The following ANKRD62 variants were observed in gnomAD, a reference collection of about 807,000 sequenced individuals.
ANKRD62 encodes the protein ankyrin repeat domain 62.
Under a neutral mutation model 98.8 loss-of-function variants are expected in ANKRD62, and 61 were observed. The observed-to-expected ratio is 0.62, with a 90% CI of 0.50 to 0.76. The LOEUF is 0.76. Ranked by LOEUF, ANKRD62 falls within the 30% of genes least tolerant of loss-of-function variation. The pLI is 0.00. For missense variants in ANKRD62, 933 were observed against 1,082.9 expected (o/e 0.86, Z 1.94); for synonymous variants, 341 against 367.9 (o/e 0.93, Z 0.84).
intron 10 of ANKRD62, among the ~76,000 whole-genome samples, chr18:12,116,977 A>G (rs1367985670): frequency 6.6e-6 from 1 of 152,158 alleles, no homozygotes; most frequent in Non-Finnish European, 1.5e-5. Context: ...TCTATAGTTT[A>G]TCAGATTTAT....
downstream of ANKRD62, among the ~76,000 whole-genome samples, chr18:12,134,624 GT>G (rs903432061): frequency 2.2e-4 from 34 of 152,066 alleles, no homozygotes; most frequent in African/African-American, 8.2e-4. Flanking sequence ...AACATGCGGT[GT>G]TTGGTTTTTT....
At chr18:12,118,572 G>C (rs940679076) in intron 10 of ANKRD62, among the ~76,000 whole-genome samples, 1 of 148,284 alleles carries the variant, frequency 6.7e-6, no homozygotes, top group Non-Finnish European at 1.5e-5. Context: ...TTGTGTCATC[G>C]CACTCCAGTC....
chr18:12,115,837 T>A (rs1909652979), intron 10 of ANKRD62, among the ~76,000 whole-genome samples: 1 of 152,174 alleles, frequency 6.6e-6, no homozygotes. Flanking sequence ...AATACTGTGA[T>A]AACCTTACAC....
intron 7 of ANKRD62, among the ~76,000 whole-genome samples, chr18:12,103,429 G>C (rs1909349368): frequency 6.6e-6 from 1 of 152,098 alleles, no homozygotes; most frequent in Non-Finnish European, 1.5e-5. Context: ...CCTTGGAACT[G>C]AGGCAAAAAG....
chr18:12,129,404 T>C lies in ANKRD62; in HGVS notation c.*1465T>C, dbSNP rs1368887349. ...ACAGCACAAAAGTAGCCGTAAACAA[T>C]ATGCAGACTGAAGGGGTGTGGCTGC... is the stretch of plus-strand genomic sequence containing the variant. On this transcript the variant is annotated 3_prime_UTR_variant, in exon 14 of 14. Transcript: ENST00000587848. 1 of 152,074 alleles carries C rather than the reference T, an allele frequency of 6.6e-6. No homozygotes were observed. Among genetic ancestry groups the C allele is most frequent in the Admixed American group, 6.5e-5 (1 of 15,270 alleles). 9.4% of individuals were successfully genotyped at this position (152,074 alleles called of 1,614,324 possible).
At chr18:12,162,309 T>A in the ANKRD62 span, among the ~76,000 whole-genome samples, 1 of 152,296 alleles carries the variant, frequency 6.6e-6, no homozygotes, top group South Asian at 2.1e-4. Context: ...TTGGCATTTA[T>A]ATGTCTTCTT....
At chr18:12,168,515 C>T in the ANKRD62 span, among the ~76,000 whole-genome samples, 10 of 152,182 alleles carry the variant, frequency 6.6e-5, no homozygotes, top group African/African-American at 2.2e-4. Context: ...GGTACCATTA[C>T]CATGCTGTTC....
chr18:12,095,314 G>A (rs1184049203), intron 2 of ANKRD62, 29 bp downstream of exon 2: 2 of 1,534,318 alleles, frequency 1.3e-6, no homozygotes, highest in Admixed American at 2.0e-5. Context: ...TTTCAGCATG[G>A]GATGGATTTA....
Position 12,129,183 on chromosome 18 carries a change from A to C in ANKRD62, c.*1244A>C, listed in dbSNP as rs1909956520. On this transcript the variant is annotated 3_prime_UTR_variant, in exon 14 of 14. Coordinates refer to ENST00000587848, the MANE Select transcript of ANKRD62 (RefSeq NM_001277333.2). Reference sequence around the variant, plus strand: ...TTGGAATTGAAAAATATAAATGCTTACTATAATTTCCTATGTTTCCCCATT... The same window carrying C: ...TTGGAATTGAAAAATATAAATGCTTCCTATAATTTCCTATGTTTCCCCATT... The C allele has an allele frequency of 6.6e-6, 1 of 152,244 alleles. No homozygotes were observed. The highest frequency in any genetic ancestry group is 2.1e-4 in the South Asian group (1 of 4,830). The allele number at this position is 152,244 out of a possible 1,614,324, so 9.4% of individuals were successfully genotyped here. A position where few individuals can be genotyped will look rare whatever the true frequency, so the allele number is the denominator to read the frequency against.
the ANKRD62 span, among the ~76,000 whole-genome samples, chr18:12,180,956 C>T: frequency 6.9e-6 from 1 of 144,474 alleles, no homozygotes; most frequent in African/African-American, 2.6e-5. Context: ...CACCTCACAA[C>T]AGGCCCCAGT....
At chr18:12,163,892 A>C in the ANKRD62 span, among the ~76,000 whole-genome samples, 1 of 151,866 alleles carries the variant, frequency 6.6e-6, no homozygotes, top group Non-Finnish European at 1.5e-5. Flanking sequence ...TGATTTTTTT[A>C]ATATATTGTC....
At chr18:12,097,532 G>T (rs1909207491) in intron 4 of ANKRD62, 108 bp from the exon 5 acceptor site, 3 of 1,196,044 alleles carry the variant, frequency 2.5e-6, no homozygotes, top group Admixed American at 2.8e-5. Flanking sequence ...ACATGTAATT[G>T]GTTAATTCTA....
In ANKRD62 at chr18:12,126,301, A is replaced by C. The variant is rs1210401937; in HGVS notation, c.2480A>C (p.Glu827Ala). The change falls in exon 13 of 14, where the codon GAG (glutamate) becomes GCG (alanine). Residue 827 changes from glutamate to alanine, a missense_variant. By Grantham distance (107) the Glu-to-Ala change is moderately radical. Transcript: ENST00000587848. ...CAAGCTGAGTGTAGAAAGCTAGAAGAGAACAATAAGGGGTTGATGAAGGAA... is the reference window on the plus strand; with the variant it reads ...CAAGCTGAGTGTAGAAAGCTAGAAGCGAACAATAAGGGGTTGATGAAGGAA... ...KLQAECRKLE[E>A]NNKGLMKECT... The C allele has an allele frequency of 6.5e-7, 1 of 1,535,410 alleles. No individual in the cohort carries two copies. Among genetic ancestry groups the C allele is most frequent in the Non-Finnish European group, 8.7e-7 (1 of 1,146,620 alleles).
chr18:12,127,019 A>G (rs1424639451), intron 13 of ANKRD62, among the ~76,000 whole-genome samples: 1 of 152,230 alleles, frequency 6.6e-6, no homozygotes, highest in Admixed American at 6.5e-5. Flanking sequence ...ATGTTAGCCA[A>G]ACCATATTTG....
At chr18:12,152,358 C>T in the ANKRD62 span, among the ~76,000 whole-genome samples, 1 of 152,116 alleles carries the variant, frequency 6.6e-6, no homozygotes, top group Non-Finnish European at 1.5e-5. Context: ...AAAACTGAAT[C>T]CATTAGCATA....
chr18:12,115,798 G>A (rs1909652013), intron 10 of ANKRD62, among the ~76,000 whole-genome samples: 1 of 152,086 alleles, frequency 6.6e-6, no homozygotes, highest in Non-Finnish European at 1.5e-5. Context: ...CCTTTACCCA[G>A]GGTCAGGTTG....
At chr18:12,099,743 A>G (rs1423073674) in intron 6 of ANKRD62, 61 bp downstream of exon 6, 1 of 1,021,222 alleles carries the variant, frequency 9.8e-7, no homozygotes, top group African/African-American at 1.7e-5. Flanking sequence ...AAGTAAGAGG[A>G]AGGAAGTTTT....
intron 8 of ANKRD62, among the ~76,000 whole-genome samples, chr18:12,112,134 G>A (rs1002160102): frequency 3.2e-4 from 42 of 130,758 alleles, no homozygotes; most frequent in African/African-American, 1.1e-3. Flanking sequence ...AAAAAAAAAA[G>A]TCATACTGCC....
At chr18:12,132,441 C>CT, downstream of ANKRD62, among the ~76,000 whole-genome samples, 1 of 152,020 alleles carries the variant, frequency 6.6e-6, no homozygotes, top group African/African-American at 2.4e-5. Flanking sequence ...TTCTTTCTTC[C>CT]TTTTTTTCTT....
Sources: gnomAD v4.1 joint callset for allele counts (sites outside exome capture counted in the v4.1 genomes callset) on GRCh38, gnomAD v4.1.1 for gene constraint, MANE v1.5 for transcripts, NCBI Gene and HGNC (gene_info 2026-07-23, HGNC 2026-07-21) for gene names.